The following NRG3 variants were observed in gnomAD, a reference collection of about 807,000 sequenced individuals.
NRG3 encodes the protein neuregulin 3.
In NRG3, 31 loss-of-function variants were observed where a neutral mutation model predicts 66.9. The observed-to-expected ratio is 0.46, with a 90% CI of 0.35 to 0.63. The LOEUF is 0.63. NRG3 is among the 20% of genes least tolerant of loss of function. The pLI is 0.00. For missense variants in NRG3, 910 were observed against 878.9 expected (o/e 1.04, Z -0.45); for synonymous variants, 393 against 359.4 (o/e 1.09, Z -1.06).
chr10:82,894,351 T>G (rs1269857422), intron 4 of NRG3, among the ~76,000 whole-genome samples: 1 of 152,228 alleles, frequency 6.6e-6, no homozygotes. Context: ...GCATATATTT[T>G]TTTTAGATGA....
chr10:82,535,619 A>G (rs1847736109), intron 2 of NRG3, among the ~76,000 whole-genome samples: 1 of 152,192 alleles, frequency 6.6e-6, no homozygotes, highest in South Asian at 2.1e-4. Flanking sequence ...ATTGTTTTAC[A>G]TTTAGTCACA....
At chr10:82,120,955 T>C (rs1475023396) in intron 1 of NRG3, among the ~76,000 whole-genome samples, 2 of 152,104 alleles carry the variant, frequency 1.3e-5, no homozygotes. Context: ...TTTGCTGAAA[T>C]AATGGATGCC....
At chr10:81,973,607 T>G (rs530528253) in intron 1 of NRG3, among the ~76,000 whole-genome samples, 3 of 152,338 alleles carry the variant, frequency 2.0e-5, no homozygotes, top group African/African-American at 7.2e-5. Context: ...CCATTCTGAC[T>G]GGTATTAGAT....
chr10:81,917,025 A>T (rs1845775114), intron 1 of NRG3, among the ~76,000 whole-genome samples: 1 of 152,188 alleles, frequency 6.6e-6, no homozygotes, highest in Admixed American at 6.5e-5. Context: ...CAACCCCAAA[A>T]CATATAATTT....
chr10:82,939,266 G>A (rs1221172758), intron 4 of NRG3, among the ~76,000 whole-genome samples: 1 of 152,094 alleles, frequency 6.6e-6, no homozygotes, highest in African/African-American at 2.4e-5. Flanking sequence ...GGGGAAGAAA[G>A]GAAAATGACA....
At chr10:82,736,813 C>G (rs2058175679) in intron 2 of NRG3, among the ~76,000 whole-genome samples, 1 of 152,200 alleles carries the variant, frequency 6.6e-6, no homozygotes. Context: ...TAGGATATTC[C>G]TCTTATATTA....
intron 3 of NRG3, among the ~76,000 whole-genome samples, chr10:82,759,487 A>C (rs947800957): frequency 6.6e-6 from 1 of 152,204 alleles, no homozygotes; most frequent in African/African-American, 2.4e-5. Context: ...AACCAACAGC[A>C]GGAGTTAATG....
At chr10:82,165,981 C>CT (rs1287180936) in intron 1 of NRG3, among the ~76,000 whole-genome samples, 1 of 151,214 alleles carries the variant, frequency 6.6e-6, no homozygotes, top group Non-Finnish European at 1.5e-5. Context: ...CTGTTTTCTA[C>CT]TTTTTTTAGA....
chr10:82,902,961 CA>C (rs1844374845), intron 4 of NRG3, among the ~76,000 whole-genome samples: 1 of 151,770 alleles, frequency 6.6e-6, no homozygotes, highest in Non-Finnish European at 1.5e-5. Flanking sequence ...CTAGAAATAT[CA>C]AAAAATTAAG....
chr10:82,098,856 T>C (rs2066544458), intron 1 of NRG3, among the ~76,000 whole-genome samples: 1 of 152,228 alleles, frequency 6.6e-6, no homozygotes, highest in East Asian at 1.9e-4. Context: ...CTCCACCTCC[T>C]GGGTTCACAC....
At chr10:82,867,721 A>C (rs1214641990) in intron 4 of NRG3, among the ~76,000 whole-genome samples, 1 of 152,210 alleles carries the variant, frequency 6.6e-6, no homozygotes, top group Admixed American at 6.5e-5. Flanking sequence ...TGTGTTGCGG[A>C]ATGTGGATGA....
At chr10:82,556,600 T>C (rs2044669510) in intron 2 of NRG3, among the ~76,000 whole-genome samples, 1 of 152,214 alleles carries the variant, frequency 6.6e-6, no homozygotes, top group South Asian at 2.1e-4. Context: ...CTGGTGAGAA[T>C]GTACCTTTGC....
rs144401780 is a variant in NRG3, at chr10:82,361,992, T to C, written c.953+3124T>C. On this transcript the variant is annotated intron_variant, in intron 2 of 8. Coordinates refer to ENST00000372141, the MANE Select transcript of NRG3 (RefSeq NM_001010848.4). ...TTTTCTGTGTTGTGAAAATAGACCA[T>C]GCTCTGACACATTTCTGTTTTCTTC... 4.9e-3 allele frequency among the ~76,000 whole-genome samples: 712 copies of C among 146,246 alleles called. 6 individuals are homozygous for C. The highest frequency in any genetic ancestry group is 0.017 in the African/African-American group (682 of 39,494).
intron 2 of NRG3, among the ~76,000 whole-genome samples, chr10:82,736,810 T>G (rs947287620): frequency 6.6e-6 from 1 of 152,234 alleles, no homozygotes; most frequent in African/African-American, 2.4e-5. Context: ...CCTTAGGATA[T>G]TCCTCTTATA....
chr10:82,843,064 A>G (rs2063140241), intron 3 of NRG3, among the ~76,000 whole-genome samples: 2 of 152,228 alleles, frequency 1.3e-5, no homozygotes, highest in African/African-American at 4.8e-5. Context: ...TTTTTGGACC[A>G]TAATTGACTA....
intron 1 of NRG3, among the ~76,000 whole-genome samples, chr10:82,306,200 G>T (rs910255039): frequency 6.6e-6 from 1 of 152,068 alleles, no homozygotes; most frequent in African/African-American, 2.4e-5. Flanking sequence ...ACTTGATCAT[G>T]ATGTATTATT....
chr10:81,919,351 C>T (rs1000602798), intron 1 of NRG3, among the ~76,000 whole-genome samples: 1 of 152,168 alleles, frequency 6.6e-6, no homozygotes, highest in African/African-American at 2.4e-5. Context: ...ATCTGATCTG[C>T]CTCTTAAACC....
At chr10:82,842,664 C>T (rs1040499453) in intron 3 of NRG3, among the ~76,000 whole-genome samples, 1 of 152,166 alleles carries the variant, frequency 6.6e-6, no homozygotes, top group African/African-American at 2.4e-5. Context: ...GGGACATGTT[C>T]CAAGGCCACA....
intron 1 of NRG3, among the ~76,000 whole-genome samples, chr10:82,015,522 C>A (rs371776887): frequency 2.0e-5 from 3 of 152,018 alleles, no homozygotes; most frequent in African/African-American, 7.2e-5. Flanking sequence ...GTGGTTGAAT[C>A]ATGGGGGTGG....
Sources: gnomAD v4.1 joint callset for allele counts (sites outside exome capture counted in the v4.1 genomes callset) on GRCh38, gnomAD v4.1.1 for gene constraint, MANE v1.5 for transcripts, NCBI Gene and HGNC (gene_info 2026-07-23, HGNC 2026-07-21) for gene names.